CDON: variants seen among roughly 807,000 people sequenced by gnomAD.
The protein encoded by CDON is cell adhesion associated, oncogene regulated.
A neutral mutation model predicts 120.9 loss-of-function variants in CDON; 73 were observed. The ratio of observed to expected loss-of-function variants is 0.60; its 90% CI spans 0.50 to 0.73. The LOEUF (loss-of-function observed/expected upper bound fraction) is 0.73. CDON is among the 30% of genes least tolerant of loss of function. The pLI is 0.00. For missense variants in CDON, 1,470 were observed against 1,587.3 expected (o/e 0.93, Z 1.26); for synonymous variants, 566 against 573.5 (o/e 0.99, Z 0.19).
chr11:126,043,059 G>A (rs566769459), intron 1 of CDON, among the ~76,000 whole-genome samples: 6 of 152,304 alleles, frequency 3.9e-5, no homozygotes, highest in Non-Finnish European at 8.8e-5. Context: ...AGAACCAGAG[G>A]CTACTCGCTT....
intron 1 of CDON, among the ~76,000 whole-genome samples, chr11:126,046,928 A>T (rs918410582): frequency 8.5e-5 from 13 of 152,216 alleles, no homozygotes; most frequent in African/African-American, 2.4e-4. Flanking sequence ...AACACATGTA[A>T]GCCCAAAAGA....
intron 7 of CDON, among the ~76,000 whole-genome samples, chr11:126,011,976 G>A (rs1947316728): frequency 6.6e-6 from 1 of 152,082 alleles, no homozygotes; most frequent in Non-Finnish European, 1.5e-5. Flanking sequence ...TGCAATGCCG[G>A]CTCAGTCAAG....
chr11:126,043,403 C>A lies in CDON; in HGVS notation c.-62+19176G>T, dbSNP rs528075214. Among the ~76,000 whole-genome samples, 41 of 152,078 alleles carry A rather than the reference C, an allele frequency of 2.7e-4. 1 individual carries two copies. The highest frequency in any genetic ancestry group is 4.7e-4 in the Non-Finnish European group (32 of 68,018). ...ACTCCCACACTGTGGAGTGTACTTTCGTTTTCAGTAAATCCCTACTTTCGT... is the reference window on the plus strand; with the variant it reads ...ACTCCCACACTGTGGAGTGTACTTTAGTTTTCAGTAAATCCCTACTTTCGT... On this transcript the variant is annotated intron_variant, in intron 1 of 19. Transcript: ENST00000531738.
At chr11:125,978,008 T>C (rs1490799219) in intron 18 of CDON, among the ~76,000 whole-genome samples, 1 of 152,154 alleles carries the variant, frequency 6.6e-6, no homozygotes, top group Non-Finnish European at 1.5e-5. Flanking sequence ...ATAAAGTCTT[T>C]ATAACAGAGA....
chr11:125,995,981 T>A (rs1235431153), intron 12 of CDON, among the ~76,000 whole-genome samples: 1 of 152,194 alleles, frequency 6.6e-6, no homozygotes. Flanking sequence ...GCCTCAAGAT[T>A]CTTGTGGGGA....
At chr11:126,010,729 G>T in intron 7 of CDON, 35 bp from the exon 8 acceptor site, 1 of 1,543,330 alleles carries the variant, frequency 6.5e-7, no homozygotes, top group South Asian at 1.1e-5. Context: ...GAAAAATGAA[G>T]AACATTGTAG....
chr11:126,003,602 C>T (rs572244226), intron 10 of CDON, among the ~76,000 whole-genome samples: 1 of 152,064 alleles, frequency 6.6e-6, no homozygotes, highest in South Asian at 2.1e-4. Flanking sequence ...GGGCGGATCA[C>T]GAGGTCAGGA....
chr11:126,033,561 A>G (rs2134774650), intron 1 of CDON, among the ~76,000 whole-genome samples: 1 of 152,350 alleles, frequency 6.6e-6, no homozygotes, highest in Non-Finnish European at 1.5e-5. Context: ...ATGGAGTCAA[A>G]CAGTCAGACT....
chr11:125,999,562 T>C (rs1946881807), intron 11 of CDON, among the ~76,000 whole-genome samples: 1 of 152,198 alleles, frequency 6.6e-6, no homozygotes, highest in Admixed American at 6.5e-5. Flanking sequence ...CTTGGACAAC[T>C]CCAAACTCAT....
In CDON at chr11:126,053,708, G is replaced by C. The variant is rs189034896; in HGVS notation, c.-62+8871C>G. ...CATACCATATCGAGCCACATGGTGA[G>C]GTTTAACCCCATTTTCTAAACGAGG... On this transcript the variant is annotated intron_variant, in intron 1 of 19. Transcript: ENST00000531738. 2.7e-4 allele frequency among the ~76,000 whole-genome samples: 41 copies of C among 149,356 alleles called. No individual in the cohort carries two copies. The South Asian group carries it at 4.8e-3, about 17-fold the overall frequency.
intron 1 of CDON, among the ~76,000 whole-genome samples, chr11:126,053,935 A>C (rs1948628358): frequency 6.6e-6 from 1 of 152,146 alleles, no homozygotes; most frequent in Non-Finnish European, 1.5e-5. Flanking sequence ...AAAGAAGCCA[A>C]ATTAAATGGG....
chr11:125,995,219 T>C (rs1043032968), intron 12 of CDON, among the ~76,000 whole-genome samples, 167 bp from the exon 13 acceptor site: 1 of 152,182 alleles, frequency 6.6e-6, no homozygotes, highest in Non-Finnish European at 1.5e-5. Flanking sequence ...TTCAACCCAA[T>C]TGACAATCTC....
intron 4 of CDON, 23 bp downstream of exon 4, chr11:126,019,596 C>T (rs769516071): frequency 9.3e-6 from 15 of 1,613,430 alleles, no homozygotes; most frequent in Admixed American, 5.0e-5. Context: ...TGTGTGCCAC[C>T]GGCTTTTCAC....
At position 126,052,836 on chromosome 11, in the gene CDON, A is replaced by T. The variant is rs560430185; in HGVS notation, c.-62+9743T>A. Among the ~76,000 whole-genome samples the T allele has an allele frequency of 5.8e-4, 89 of 152,192 alleles. No individual in the cohort carries two copies. In the South Asian group the frequency reaches 0.018, roughly 31 times the overall value. On this transcript the variant is annotated intron_variant, in intron 1 of 19. Coordinates refer to ENST00000531738, the MANE Select transcript of CDON (RefSeq NM_001378964.1). ...AGACTCCGTCTCAAAAAAAAAAAAA[A>T]AATTAAAAATTAAAAATATACTGTA...
In CDON at chr11:126,039,910, T is replaced by C. The variant is rs529490858; in HGVS notation, c.-61-16373A>G. 1.4e-4 allele frequency among the ~76,000 whole-genome samples: 21 copies of C among 152,200 alleles called. No individual in the cohort carries two copies. The East Asian group carries it at 3.1e-3, about 22-fold the overall frequency. ...CCTACATTCCACTCGAAACCCCCCA[T>C]TGCCCCCTTGCTCGCTCTCAGCACA... is the stretch of plus-strand genomic sequence containing the variant. On this transcript the variant is annotated intron_variant, in intron 1 of 19. Transcript: ENST00000531738.
intron 15 of CDON, among the ~76,000 whole-genome samples, chr11:125,988,865 G>T (rs369317077): frequency 4.6e-5 from 7 of 152,096 alleles, no homozygotes; most frequent in Admixed American, 1.3e-4. Flanking sequence ...TGTCATTCAA[G>T]AAACCACCTT....
At chr11:126,012,730 T>C (rs1291207333) in intron 7 of CDON, among the ~76,000 whole-genome samples, 2 of 152,168 alleles carry the variant, frequency 1.3e-5, no homozygotes, top group African/African-American at 2.4e-5. Flanking sequence ...TTTTTGTTCA[T>C]TGGTCTTCAT....
At chr11:126,044,169 C>T (rs1003526366) in intron 1 of CDON, among the ~76,000 whole-genome samples, 7 of 152,204 alleles carry the variant, frequency 4.6e-5, no homozygotes, top group African/African-American at 1.7e-4. Flanking sequence ...AGCAGGAACA[C>T]ACATACTGCA....
chr11:126,017,219 C>T lies in CDON; in HGVS notation c.797G>A (p.Ser266Asn), dbSNP rs1947495205. Residue 266 changes from serine (S) to asparagine (N), a missense_variant, in exon 6 of 20, where the codon AGC becomes AAC. By Grantham distance (46) the Ser-to-Asn change is conservative (BLOSUM62 1). Transcript: ENST00000531738. Reference protein sequence around the residue: ...LKDGQDIAPGSNWRRLYSHLA... With the variant: ...LKDGQDIAPGNNWRRLYSHLA... Reference sequence around the variant, plus strand: ...ATGAGAATACAACCTTCTCCAGTTGCTTCCTGGTGCAATGTCCTGCCCGTC... The same window carrying T: ...ATGAGAATACAACCTTCTCCAGTTGTTTCCTGGTGCAATGTCCTGCCCGTC... 4.3e-6 allele frequency: 7 copies of T among 1,614,042 alleles called. No homozygotes were observed. Among genetic ancestry groups the T allele is most frequent in the Non-Finnish European group, 5.9e-6 (7 of 1,180,038 alleles).
Sources: allele counts gnomAD v4.1 joint callset (sites outside exome capture counted in the v4.1 genomes callset), GRCh38; gene constraint gnomAD v4.1.1; transcripts MANE v1.5; gene names NCBI Gene and HGNC (gene_info 2026-07-23, HGNC 2026-07-21).